ZNF385C: variants seen among roughly 807,000 people sequenced by gnomAD.
ZNF385C encodes the protein CTD-2132N18.2.
ZNF385C carries 28 observed loss-of-function variants against 35.4 expected under a neutral mutation model. That is an observed-to-expected ratio of 0.79 (90% confidence interval 0.59 to 1.08). ZNF385C has a LOEUF of 1.08. Ranked by LOEUF, ZNF385C falls within the 50% of genes least tolerant of loss-of-function variation. ZNF385C has a pLI of 0.00. For synonymous variants in ZNF385C, 248 were observed against 248.2 expected (o/e 1.00, Z 0.01); for missense variants, 605 against 595.6 (o/e 1.02, Z -0.16).
intron 1 of ZNF385C, among the ~76,000 whole-genome samples, chr17:42,085,172 C>T (rs1457739267): frequency 6.6e-6 from 1 of 152,126 alleles, no homozygotes; most frequent in East Asian, 1.9e-4. Flanking sequence ...TGGCGTGCAC[C>T]TGTAATCCCA....
chr17:42,039,741 C>G, intron 2 of ZNF385C: 1 of 1,232,514 alleles, frequency 8.1e-7, no homozygotes, highest in Non-Finnish European at 1.0e-6. Context: ...CCTCTCCCCA[C>G]CCACTCTCTA....
At chr17:42,073,025 T>C (rs2053647067) in intron 1 of ZNF385C, among the ~76,000 whole-genome samples, 1 of 150,960 alleles carries the variant, frequency 6.6e-6, no homozygotes, top group African/African-American at 2.4e-5. Flanking sequence ...ACTCAGGGAG[T>C]GGGAGGAAGT....
chr17:42,070,070 C>T (rs1358577294), intron 1 of ZNF385C, among the ~76,000 whole-genome samples: 3 of 151,518 alleles, frequency 2.0e-5, no homozygotes, highest in Non-Finnish European at 2.9e-5. Context: ...AATAGCAGGG[C>T]GCGGTGGCTC....
chr17:42,095,311 G>A lies in ZNF385C; in HGVS notation c.-3+3099C>T, dbSNP rs566704609. On this transcript the variant is annotated intron_variant, in intron 1 of 8. Transcript: ENST00000692273. This position sits in a 1 kb window ranked among gnomAD's most constrained non-coding sequence, Gnocchi z 4.4. ...TTCATTCCCGCTGGGGATGACCCCC[G>A]CCGCCTGGCCAGCTGACCCCACAGT... Among the ~76,000 whole-genome samples, 9 of 152,204 alleles carry A rather than the reference G, an allele frequency of 5.9e-5. No individual in the cohort carries two copies. Among genetic ancestry groups the A allele is most frequent in the East Asian group, 1.9e-4 (1 of 5,174 alleles).
chr17:42,088,521 G>GGGACTC (rs2053833139), intron 1 of ZNF385C, among the ~76,000 whole-genome samples: 1 of 152,250 alleles, frequency 6.6e-6, no homozygotes, highest in African/African-American at 2.4e-5. Flanking sequence ...CTCCAGCCAC[G>GGGACTC]GGACTCGAGG....
rs1017608451 is a variant in ZNF385C at position 42,031,775 on chromosome 17, C to T, written c.520G>A (p.Glu174Lys). 129 of 1,550,632 alleles carry T rather than the reference C, an allele frequency of 8.3e-5. No homozygotes were observed. Among genetic ancestry groups the T allele is most frequent in the African/African-American group, 3.1e-4 (23 of 73,016 alleles). Residue 174 changes from glutamate to lysine, a missense_variant, in exon 5 of 9, where the codon GAG (glutamate) becomes AAG (lysine). By Grantham distance (56) the Glu-to-Lys change is moderately conservative. Transcript: ENST00000692273. ...TGTTTGTGGCCTTTATAATGTGCCT[C>T]GGCCTGGTTCTGGGGAGGGGAGGGC... ...HLRFNSANQA[E>K]AHYKGHKHAR...
chr17:42,071,762 C>G (rs1043212949), intron 1 of ZNF385C, among the ~76,000 whole-genome samples: 1 of 145,714 alleles, frequency 6.9e-6, no homozygotes. Flanking sequence ...TGGCACAGCC[C>G]GGGTTTATCT....
At chr17:42,055,187 G>A (rs2053353596) in intron 2 of ZNF385C, among the ~76,000 whole-genome samples, 1 of 152,222 alleles carries the variant, frequency 6.6e-6, no homozygotes, top group African/African-American at 2.4e-5. Context: ...AGATCTGGGA[G>A]GGGTTGGCAG....
At chr17:42,027,562 A>ACCCCCCCCCCC in intron 8 of ZNF385C, 56 bp downstream of exon 8, 1 of 150,460 alleles carries the variant, frequency 6.6e-6, no homozygotes, top group South Asian at 5.6e-5. Flanking sequence ...TGGCCCTCCC[A>ACCCCCCCCCCC]GCCCACCCTC....
At chr17:42,041,509 CTTG>C (rs1455312078) in intron 2 of ZNF385C, among the ~76,000 whole-genome samples, 1 of 152,168 alleles carries the variant, frequency 6.6e-6, no homozygotes, top group Non-Finnish European at 1.5e-5. Flanking sequence ...CTTCTCAAAG[CTTG>C]TTGTGAATTA....
intron 1 of ZNF385C, among the ~76,000 whole-genome samples, chr17:42,093,500 C>T (rs1298289239): frequency 6.6e-6 from 1 of 152,096 alleles, no homozygotes; most frequent in Non-Finnish European, 1.5e-5. Context: ...AGTTCAGAGC[C>T]GAAACCCCGG....
At chr17:42,054,106 T>C (rs554014376) in intron 2 of ZNF385C, among the ~76,000 whole-genome samples, 1 of 152,156 alleles carries the variant, frequency 6.6e-6, no homozygotes, top group South Asian at 2.1e-4. Flanking sequence ...AGGGGAGAAG[T>C]GTGGGGGCAA....
chr17:42,051,096 G>T (rs1210846506), intron 2 of ZNF385C, among the ~76,000 whole-genome samples: 2 of 152,022 alleles, frequency 1.3e-5, no homozygotes, highest in East Asian at 3.9e-4. Context: ...GCAGAGCAAG[G>T]ATTCCTCTGG....
At chr17:42,067,726 C>T (rs1189530337) in intron 1 of ZNF385C, among the ~76,000 whole-genome samples, 1 of 152,152 alleles carries the variant, frequency 6.6e-6, no homozygotes, top group African/African-American at 2.4e-5. Flanking sequence ...ACTCTCCTGC[C>T]TCTCCATGTC....
intron 1 of ZNF385C, among the ~76,000 whole-genome samples, chr17:42,083,947 G>C (rs1598204805): frequency 6.6e-6 from 1 of 151,856 alleles, no homozygotes; most frequent in East Asian, 1.9e-4. Flanking sequence ...TTGAACTCCT[G>C]ACCTCAGGTG....
Position 42,029,053 on chromosome 17 carries a change from C to G in ZNF385C, c.697G>C (p.Gly233Arg). Residue 233 changes from glycine to arginine, a missense_variant, in exon 6 of 9, where the codon GGG becomes CGG. By Grantham distance (125) the Gly-to-Arg change is moderately radical. Transcript: ENST00000692273. ...GTTGGTGGTGGCTGGAGTGGAGGCC[C>G]AAGAGGAGGGGCTGCAGGAACTGCT... ...QSKVPAAPPL[G>R]PPLQPPPTPD... is the part of the protein sequence containing the mutation. The G allele has an allele frequency of 6.5e-7, 1 of 1,549,634 alleles. No individual in the cohort carries two copies. Among genetic ancestry groups the G allele is most frequent in the Non-Finnish European group, 8.7e-7 (1 of 1,146,668 alleles).
chr17:42,027,828 C>T, intron 7 of ZNF385C, 100 bp from the exon 8 acceptor site: 1 of 1,338,766 alleles, frequency 7.5e-7, no homozygotes, highest in East Asian at 2.3e-5. Context: ...ACAGCTCATA[C>T]ATCCAAAGCA....
At chr17:42,033,424 C>T (rs1257584379) in intron 4 of ZNF385C, among the ~76,000 whole-genome samples, 1 of 152,210 alleles carries the variant, frequency 6.6e-6, no homozygotes, top group Non-Finnish European at 1.5e-5. Context: ...CTCTCTAAGG[C>T]TCACTTTCCT....
At chr17:42,027,537 CGCAG>C in intron 8 of ZNF385C, 77 bp downstream of exon 8, 1 of 1,208,692 alleles carries the variant, frequency 8.3e-7, no homozygotes, top group East Asian at 2.7e-5. Flanking sequence ...CCTGCCCCAC[CGCAG>C]CCCCCCCATC....
Sources: allele counts gnomAD v4.1 joint callset (sites outside exome capture counted in the v4.1 genomes callset), GRCh38; gene constraint gnomAD v4.1.1; non-coding constraint Gnocchi (gnomAD v3.1); transcripts MANE v1.5; gene names NCBI Gene and HGNC (gene_info 2026-07-23, HGNC 2026-07-21).